The following HP variants were observed in gnomAD, a reference collection of about 807,000 sequenced individuals.
The protein encoded by HP is haptoglobin.
A neutral mutation model predicts 23.2 loss-of-function variants in HP; 9 were observed. That is an observed-to-expected ratio of 0.39 (90% CI 0.23 to 0.68). The LOEUF (loss-of-function observed/expected upper bound fraction) is 0.68. Ranked by LOEUF, HP falls within the 30% of genes least tolerant of loss-of-function variation. HP has a pLI of 0.47. For synonymous variants in HP, 155 were observed against 183.3 expected (o/e 0.85, Z 1.25); for missense variants, 433 against 483.6 (o/e 0.90, Z 0.98).
rs758830509 is a variant in HP at position 72,056,210 on chromosome 16, G to C, written c.55G>C (p.Val19Leu). 8 of 1,613,942 alleles carry C rather than the reference G, an allele frequency of 5.0e-6. No individual in the cohort carries two copies. In the Admixed American group the frequency reaches 1.0e-4, roughly 20 times the overall value. Residue 19 changes from valine to leucine, a missense_variant, in exon 2 of 7, where the codon GTG becomes CTG. Physicochemically the swap from Val to Leu is conservative, Grantham distance 32. Transcript: ENST00000355906. Reference sequence around the variant, plus strand: ...CCTGCTCTGGGGACAGCTTTTTGCAGTGGACTCAGGCAATGATGTCACGGA... The same window carrying C: ...CCTGCTCTGGGGACAGCTTTTTGCACTGGACTCAGGCAATGATGTCACGGA... ...ALLLWGQLFAVDSGNDVTDIA... is the reference protein window; with the variant it reads ...ALLLWGQLFALDSGNDVTDIA...
rs770300208 is a variant in HP at position 72,060,268 on chromosome 16, C to T, written c.599C>T (p.Thr200Met). The change falls in exon 7 of 7, where the codon ACG becomes ATG. Residue 200 changes from threonine (T) to methionine (M), a missense_variant. Physicochemically the swap from Thr to Met is moderately conservative, Grantham distance 81. Transcript: ENST00000355906. ...ATCAATGAACAATGGCTGCTGACCACGGCTAAAAATCTCTTCCTGAACCAT... is the reference window on the plus strand; with the variant it reads ...ATCAATGAACAATGGCTGCTGACCATGGCTAAAAATCTCTTCCTGAACCAT... Reference protein sequence around the residue: ...TLINEQWLLTTAKNLFLNHSE... With the variant: ...TLINEQWLLTMAKNLFLNHSE... 8.1e-6 allele frequency: 13 copies of T among 1,614,144 alleles called. No homozygotes were observed. Among genetic ancestry groups the T allele is most frequent in the Admixed American group, 1.7e-5 (1 of 60,022 alleles).
rs1452574288 is a variant in HP at position 72,060,802 on chromosome 16, A to C, written c.1133A>C (p.Asp378Ala). ...TATGCGACTGGGATCTTAAGCTTTGATAAGAGCTGTGCTGTGGCTGAGTAT... is the reference window on the plus strand; with the variant it reads ...TATGCGACTGGGATCTTAAGCTTTGCTAAGAGCTGTGCTGTGGCTGAGTAT... ...TWYATGILSF[D>A]KSCAVAEYGV... The change falls in exon 7 of 7, where the codon GAT (aspartate) becomes GCT (alanine). Residue 378 changes from aspartate to alanine, a missense_variant. Coordinates refer to ENST00000355906, the MANE Select transcript of HP (RefSeq NM_005143.5). 6.2e-7 allele frequency: 1 copy of C among 1,614,118 alleles called. No homozygotes were observed.
chr16:72,057,546 C>A lies in HP; in HGVS notation c.265+80C>A. ...GTCCTAGAGGCACAGCCTTCCAGTG[C>A]GGCTTCCTCTGAGCACACAAGAGCC... On this transcript the variant is annotated intron_variant, in intron 4 of 6. Coordinates refer to ENST00000355906, the MANE Select transcript of HP (RefSeq NM_005143.5). The A allele has an allele frequency of 7.2e-6, 4 of 553,150 alleles. 1 individual carries two copies. Among genetic ancestry groups the A allele is most frequent in the South Asian group, 2.0e-5 (1 of 50,156 alleles). 34.3% of individuals were successfully genotyped at this position (553,150 alleles called of 1,614,324 possible). A position where few individuals can be genotyped will look rare whatever the true frequency, so the allele number is the denominator to read the frequency against.
At chr16:72,060,000 T>C in intron 6 of HP, 112 bp from the exon 7 acceptor site, 2 of 1,545,628 alleles carry the variant, frequency 1.3e-6, no homozygotes, top group African/African-American at 1.4e-5. Context: ...GGCAAAGCAT[T>C]TAAATCTTTC....
rs569061357 is a variant in HP, at chr16:72,056,142, CCTT to C, written c.6-18_6-16del. ...GCAGGGAGACTAGCTTTCCACTCCT[CCTT>C]GTCTTCTCTCTGCAGTGCCCTGGGA... On this transcript the variant is annotated splice_polypyrimidine_tract_variant and intron_variant, in intron 1 of 6. Transcript: ENST00000355906. 1.1e-4 allele frequency: 183 copies of C among 1,611,546 alleles called. 4 individuals carry two copies. The East Asian group carries it at 4.0e-3, about 35-fold the overall frequency.
chr16:72,060,989 G>A lies in HP; in HGVS notation c.*99G>A. ...ACAGGAGTGGATGCGATAAGATGTG[G>A]TTTGAAGCTGATGGGTGCCAGCCCT... On this transcript the variant is annotated 3_prime_UTR_variant, in exon 7 of 7. Transcript: ENST00000355906. 3 of 1,396,004 alleles carry A rather than the reference G, an allele frequency of 2.1e-6. No homozygotes were observed. Among genetic ancestry groups the A allele is most frequent in the Non-Finnish European group, 2.9e-6 (3 of 1,036,464 alleles). The allele number at this position is 1,396,004 out of a possible 1,614,324, so 86.5% of individuals were successfully genotyped here.
In HP at chr16:72,059,131, A is replaced by G. The variant is rs199926732; in HGVS notation, c.385A>G (p.Asn129Asp). 36 of 1,565,066 alleles carry G rather than the reference A, an allele frequency of 2.3e-5. 2 individuals carry two copies. Among genetic ancestry groups the G allele is most frequent in the East Asian group, 8.9e-5 (4 of 44,836 alleles). Residue 129 changes from asparagine to aspartate, a missense_variant, in exon 6 of 7, where the codon AAT becomes GAT. Transcript: ENST00000355906. Reference protein sequence around the residue: ...TEGDGVYTLNNEKQWINKAVG... With the variant: ...TEGDGVYTLNDEKQWINKAVG... The stretch of plus-strand genomic sequence containing the variant: ...TGTTTCAGGAGTGTACACCTTAAAC[A>G]ATGAGAAGCAGTGGATAAATAAGGC...
rs192653057 is a variant in HP, at chr16:72,060,377, T to A, written c.708T>A (p.Val236=). The part of the protein sequence containing the change: ...GKKQLVEIEK[V]VLHPNYSQVD... The stretch of plus-strand genomic sequence containing the variant: ...AGCAGCTTGTAGAGATTGAGAAGGT[T>A]GTTCTACACCCTAACTACTCCCAGG... Residue 236 remains valine, a synonymous_variant, in exon 7 of 7, where the codon GTT becomes GTA. Coordinates refer to ENST00000355906, the MANE Select transcript of HP (RefSeq NM_005143.5). 2.1e-5 allele frequency: 34 copies of A among 1,613,968 alleles called. No homozygotes were observed. In the African/African-American group the frequency reaches 3.7e-4, roughly 18 times the overall value.
chr16:72,056,094 T>G, intron 1 of HP, 67 bp from the exon 2 acceptor site: 2 of 1,535,520 alleles, frequency 1.3e-6, no homozygotes, highest in Non-Finnish European at 1.8e-6. Flanking sequence ...CATGTGTGTG[T>G]GGATGCATGC....
chr16:72,056,459 C>T, intron 2 of HP, 71 bp from the exon 3 acceptor site: 1 of 1,507,998 alleles, frequency 6.6e-7, no homozygotes. Context: ...AGCTCCCGCT[C>T]ATCTGACTTT....
At chr16:72,056,738 T>C (rs1271216073) in intron 3 of HP, 107 bp downstream of exon 3, 1 of 479,588 alleles carries the variant, frequency 2.1e-6, no homozygotes, top group Non-Finnish European at 3.5e-6. Flanking sequence ...TTGCTCTCCT[T>C]GGAGCCAGGA....
At chr16:72,054,856 A>G in intron 1 of HP, 199 bp downstream of exon 1, 2 of 842,092 alleles carry the variant, frequency 2.4e-6, no homozygotes, top group Admixed American at 2.6e-5. Flanking sequence ...CCCAGGAGAT[A>G]AGATTTACTC....
chr16:72,054,978 T>G (rs1366562400), intron 1 of HP: 2 of 530,670 alleles, frequency 3.8e-6, no homozygotes, highest in African/African-American at 3.8e-5. Flanking sequence ...GATATTTTCC[T>G]CTTTAAAAAT....
intron 1 of HP, chr16:72,054,999 G>A (rs983129625): frequency 4.1e-6 from 2 of 490,394 alleles, no homozygotes; most frequent in Non-Finnish European, 7.3e-6. Flanking sequence ...GTACAATAAG[G>A]AAGACTAATA....
In HP at chr16:72,060,252, C is replaced by A. The variant is rs781567863; in HGVS notation, c.583C>A (p.Gln195Lys). Residue 195 changes from glutamine to lysine, a missense_variant, in exon 7 of 7, where the codon CAA (glutamine) becomes AAA (lysine). Gln to Lys is a moderately conservative substitution (Grantham distance 53). Coordinates refer to ENST00000355906, the MANE Select transcript of HP (RefSeq NM_005143.5). ...LTTGATLINE[Q>K]WLLTTAKNLF... ...CACAGGTGCCACGCTGATCAATGAA[C>A]AATGGCTGCTGACCACGGCTAAAAA... 1.3e-5 allele frequency: 21 copies of A among 1,614,040 alleles called. No individual in the cohort carries two copies. The highest frequency in any genetic ancestry group is 6.7e-5 in the African/African-American group (5 of 74,936).
At chr16:72,056,455 C>T (rs1370787270) in intron 2 of HP, 75 bp from the exon 3 acceptor site, 43 of 1,526,908 alleles carry the variant, frequency 2.8e-5, no homozygotes, top group South Asian at 3.6e-5. Flanking sequence ...GAGCAGCTCC[C>T]GCTCATCTGA....
At chr16:72,055,568 T>C (rs377379257) in intron 1 of HP, 2 of 168,442 alleles carry the variant, frequency 1.2e-5, no homozygotes, top group East Asian at 3.0e-4. Context: ...CCAGTTCTCT[T>C]CCAGGTAACC....
chr16:72,057,544 T>C (rs2041477951), intron 4 of HP, 78 bp downstream of exon 4: 1 of 555,928 alleles, frequency 1.8e-6, no homozygotes, highest in African/African-American at 2.3e-5. Context: ...AGCCTTCCAG[T>C]GCGGCTTCCT....
At chr16:72,056,395 G>C in intron 2 of HP, 135 bp from the exon 3 acceptor site, 1 of 1,575,082 alleles carries the variant, frequency 6.3e-7, no homozygotes, top group Non-Finnish European at 8.6e-7. Context: ...AATGAGGGGA[G>C]CTTGCCTTTC....
Sources: gnomAD v4.1 joint callset for allele counts on GRCh38, gnomAD v4.1.1 for gene constraint, MANE v1.5 for transcripts, NCBI Gene and HGNC (gene_info 2026-07-23, HGNC 2026-07-21) for gene names.